The following DISP3 variants were observed in gnomAD, a reference collection of about 807,000 sequenced individuals.
DISP3 encodes dispatched RND transporter family member 3.
DISP3 carries 101 observed loss-of-function variants against 135.3 expected under a neutral mutation model. That is an observed-to-expected ratio of 0.75 (90% CI 0.64 to 0.88). The LOEUF (loss-of-function observed/expected upper bound fraction) is 0.88. Ranked by LOEUF, DISP3 falls within the 40% of genes least tolerant of loss-of-function variation. The pLI is 0.00. For synonymous variants in DISP3, 856 were observed against 817.0 expected (o/e 1.05, Z -0.81); for missense variants, 1,713 against 1,878.6 (o/e 0.91, Z 1.63).
chr1:11,501,749 G>A lies in DISP3; in HGVS notation c.757G>A (p.Ala253Thr), dbSNP rs763166698. The A allele has an allele frequency of 1.3e-6, 2 of 1,591,054 alleles. No homozygotes were observed. Among genetic ancestry groups the A allele is most frequent in the Admixed American group, 1.7e-5 (1 of 57,978 alleles). Residue 253 changes from alanine to threonine, a missense_variant, in exon 2 of 21, where the codon GCC becomes ACC. Physicochemically the swap from Ala to Thr is moderately conservative, Grantham distance 58 (BLOSUM62 0). Around this residue, in one of 2 missense-constraint regions of DISP3, gnomAD observed 571 missense variants for 494.1 expected, o/e 1.16. Coordinates refer to ENST00000294484, the MANE Select transcript of DISP3 (RefSeq NM_020780.2). The surrounding 1 kb of genome is among the most constrained non-coding windows in gnomAD (Gnocchi z 4.9). Reference protein sequence around the residue: ...AANQSRARRGASRWDYSRAYV... With the variant: ...AANQSRARRGTSRWDYSRAYV... ...CAATCAGAGCCGTGCCCGCCGAGGCGCCTCGCGCTGGGACTACTCGCGCGC... is the reference window on the plus strand; with the variant it reads ...CAATCAGAGCCGTGCCCGCCGAGGCACCTCGCGCTGGGACTACTCGCGCGC...
At chr1:11,530,703 C>A (rs1642553658) in intron 15 of DISP3, among the ~76,000 whole-genome samples, 1 of 151,162 alleles carries the variant, frequency 6.6e-6, no homozygotes, top group South Asian at 2.1e-4. Context: ...GTGGGGTGGG[C>A]AGTGATGGGA....
In DISP3 at chr1:11,501,232, G is replaced by A. The variant is rs1641504786; in HGVS notation, c.240G>A (p.Leu80=). ...NPCCAGLVLF[L]GCSIPMALSA... is the part of the protein sequence containing the mutation. ...GCTGTGCTGGGCTGGTGCTCTTCCTGGGCTGCAGCATCCCCATGGCCCTGT... is the reference window on the plus strand; with the variant it reads ...GCTGTGCTGGGCTGGTGCTCTTCCTAGGCTGCAGCATCCCCATGGCCCTGT... Residue 80 remains leucine (L), a synonymous_variant, in exon 2 of 21, where the codon CTG becomes CTA. Transcript: ENST00000294484. This position sits in a 1 kb window ranked among gnomAD's most constrained non-coding sequence, Gnocchi z 4.9. The A allele has an allele frequency of 1.2e-6, 2 of 1,614,094 alleles. No homozygotes were observed. The highest frequency in any genetic ancestry group is 4.5e-5 in the East Asian group (2 of 44,872).
At chr1:11,481,595 G>A (rs1233169622) in intron 1 of DISP3, 2 of 152,190 alleles carry the variant, frequency 1.3e-5, no homozygotes, top group African/African-American at 4.8e-5. Flanking sequence ...ATCCTAGTCC[G>A]AGCTTAACCA....
Position 11,502,674 on chromosome 1 carries a change from G to A in DISP3, c.1097-4G>A, listed in dbSNP as rs1235709698. The A allele has an allele frequency of 6.2e-7, 1 of 1,612,804 alleles. No individual in the cohort carries two copies. The highest frequency in any genetic ancestry group is 1.1e-5 in the South Asian group (1 of 90,930). The stretch of plus-strand genomic sequence containing the variant: ...TCTTGGGGCCCCCACCCCTGTCCTT[G>A]CAGGCTCCCTGGAGCTGGCCATGAC... On this transcript the variant is annotated splice_region_variant and splice_polypyrimidine_tract_variant and intron_variant, in intron 2 of 20. Transcript: ENST00000294484.
chr1:11,519,000 C>G (rs1341992602), intron 7 of DISP3, among the ~76,000 whole-genome samples: 1 of 152,142 alleles, frequency 6.6e-6, no homozygotes, highest in African/African-American at 2.4e-5. Context: ...CTCCTGGCTC[C>G]CCTGAGTATT....
chr1:11,490,299 C>G (rs1641148962), intron 1 of DISP3, among the ~76,000 whole-genome samples: 1 of 152,144 alleles, frequency 6.6e-6, no homozygotes, highest in Non-Finnish European at 1.5e-5. Flanking sequence ...TGATGTTTCG[C>G]TCTTGTTGCC....
rs141052083 is a variant in DISP3, at chr1:11,536,532, G to A, written c.4025G>A (p.Gly1342Asp). ...YTLTVSTALL[G>D]IMAPSSFTRT... is the part of the protein sequence containing the mutation. ...CTGACCGTCAGCACCGCCCTGCTGGGCATCATGGCGCCCAGCTCTTTCACT... is the reference window on the plus strand; with the variant it reads ...CTGACCGTCAGCACCGCCCTGCTGGACATCATGGCGCCCAGCTCTTTCACT... Residue 1342 changes from glycine (G) to aspartate (D), a missense_variant, in exon 21 of 21, where the codon GGC becomes GAC. By Grantham distance (94) the Gly-to-Asp change is moderately conservative (BLOSUM62 -1). Around this residue, in one of 2 missense-constraint regions of DISP3, gnomAD observed 1,142 missense variants for 1,384.6 expected, o/e 0.82. Transcript: ENST00000294484. The surrounding 1 kb of genome is among the most constrained non-coding windows in gnomAD (Gnocchi z 4.3). 6.2e-7 allele frequency: 1 copy of A among 1,613,000 alleles called. No individual in the cohort carries two copies. Among genetic ancestry groups the A allele is most frequent in the East Asian group, 2.2e-5 (1 of 44,882 alleles).
intron 3 of DISP3, among the ~76,000 whole-genome samples, chr1:11,509,784 G>C (rs767039474): frequency 6.6e-6 from 1 of 152,090 alleles, no homozygotes; most frequent in Non-Finnish European, 1.5e-5. Flanking sequence ...ATTTAAAGTG[G>C]GTTTCTTGTA....
chr1:11,521,673 G>C (rs1642199983), intron 10 of DISP3, among the ~76,000 whole-genome samples: 1 of 149,218 alleles, frequency 6.7e-6, no homozygotes, highest in Non-Finnish European at 1.5e-5. Flanking sequence ...TGGGAGGGGA[G>C]AGGAGAGAAG....
chr1:11,525,258 G>A lies in DISP3; in HGVS notation c.2559G>A (p.Leu853=), dbSNP rs745663902. The A allele has an allele frequency of 2.5e-6, 4 of 1,614,076 alleles. No homozygotes were observed. Among genetic ancestry groups the A allele is most frequent in the Non-Finnish European group, 3.4e-6 (4 of 1,179,958 alleles). ...ACAGGCTCTCCCTCAATGCCAGCCT[G>A]CCTGCTCCTTGGCAGGCTGTGTCGC... ...AVYRLSLNAS[L]PAPWQAVSPG... is the part of the protein sequence containing the mutation. The change falls in exon 12 of 21, where the codon CTG becomes CTA. Residue 853 remains leucine (L), a synonymous_variant. Coordinates refer to ENST00000294484, the MANE Select transcript of DISP3 (RefSeq NM_020780.2).
intron 10 of DISP3, among the ~76,000 whole-genome samples, chr1:11,522,684 GCCCAGCCAGGGCCCAGCCAGGA>G (rs1557615223): frequency 8.7e-4 from 41 of 47,156 alleles, no homozygotes; most frequent in Non-Finnish European, 1.2e-3. Context: ...CCCAGCCAGA[GCCCAGCCAGGGCCCAGCCAGGA>G]CCCAGCCAGG....
At chr1:11,502,973 A>C in intron 3 of DISP3, 76 bp downstream of exon 3, 1 of 1,243,648 alleles carries the variant, frequency 8.0e-7, no homozygotes, top group Non-Finnish European at 1.1e-6. Flanking sequence ...TAAACCCCAT[A>C]TCCCTTTCCC....
intron 13 of DISP3, among the ~76,000 whole-genome samples, chr1:11,527,669 C>T (rs1642463669): frequency 6.6e-6 from 1 of 152,178 alleles, no homozygotes; most frequent in Non-Finnish European, 1.5e-5. Context: ...GGAGCTGCTC[C>T]CCACCTTGAT....
chr1:11,482,818 GTCT>G (rs2100347351), intron 1 of DISP3, among the ~76,000 whole-genome samples: 1 of 152,242 alleles, frequency 6.6e-6, no homozygotes, highest in South Asian at 2.1e-4. Flanking sequence ...GTTTGAAATC[GTCT>G]TCTTCTCTGT....
chr1:11,516,442 C>T lies in DISP3; in HGVS notation c.1749+281C>T, dbSNP rs1038001595. The stretch of plus-strand genomic sequence containing the variant: ...TTTGGCAGTTTCCAAAGCTCTTTCT[C>T]GTTTAATCTTCATTACCACGGTAAT... On this transcript the variant is annotated intron_variant, in intron 6 of 20. Transcript: ENST00000294484. This position sits in a 1 kb window ranked among gnomAD's most constrained non-coding sequence, Gnocchi z 5.1. Among the ~76,000 whole-genome samples, 3 of 152,194 alleles carry T rather than the reference C, an allele frequency of 2.0e-5. No individual in the cohort carries two copies. Among genetic ancestry groups the T allele is most frequent in the East Asian group, 1.9e-4 (1 of 5,200 alleles).
intron 10 of DISP3, among the ~76,000 whole-genome samples, chr1:11,522,972 C>A (rs553949861): frequency 5.3e-5 from 8 of 150,706 alleles, no homozygotes; most frequent in South Asian, 2.1e-4. Context: ...CAGCCAGGAC[C>A]CAGCCGGAGC....
In DISP3 at chr1:11,520,514, A is replaced by G. The variant is rs1161110585; in HGVS notation, c.2201-173A>G. ...CAAAGCAACTGATCCCTGGCCCTGT[A>G]GGACCATCCCCAGCAAGCTTTGCCC... On this transcript the variant is annotated intron_variant, in intron 9 of 20. Transcript: ENST00000294484. The surrounding 1 kb of genome is among the most constrained non-coding windows in gnomAD (Gnocchi z 4.8). Among the ~76,000 whole-genome samples the G allele has an allele frequency of 6.6e-6, 1 of 152,058 alleles. No individual in the cohort carries two copies. Among genetic ancestry groups the G allele is most frequent in the African/African-American group, 2.4e-5 (1 of 41,390 alleles).
intron 4 of DISP3, 97 bp from the exon 5 acceptor site, chr1:11,515,272 A>T: frequency 6.8e-7 from 1 of 1,465,184 alleles, no homozygotes; most frequent in Non-Finnish European, 9.3e-7. Context: ...AGGGTTGGGG[A>T]GAAGAGACAG....
chr1:11,502,987 A>T, intron 3 of DISP3, 90 bp downstream of exon 3: 1 of 1,161,592 alleles, frequency 8.6e-7, no homozygotes. Context: ...CTTTCCCTAT[A>T]ATCTTTTCCT....
Sources: allele counts gnomAD v4.1 joint callset (sites outside exome capture counted in the v4.1 genomes callset), GRCh38; gene constraint gnomAD v4.1.1; regional missense constraint gnomAD v4.1.1; non-coding constraint Gnocchi (gnomAD v3.1); transcripts MANE v1.5; gene names NCBI Gene and HGNC (gene_info 2026-07-23, HGNC 2026-07-21).